The following FAM81A variants were observed in gnomAD, a reference collection of about 807,000 sequenced individuals.
FAM81A encodes the protein family with sequence similarity 81 member A.
FAM81A carries 19 observed loss-of-function variants against 46.7 expected under a neutral mutation model. The ratio of observed to expected loss-of-function variants is 0.41; its 90% CI spans 0.28 to 0.60. The LOEUF is 0.60. Ranked by LOEUF, FAM81A falls within the 20% of genes least tolerant of loss-of-function variation. The pLI is 0.34. For missense variants in FAM81A, 377 were observed against 453.5 expected (o/e 0.83, Z 1.53); for synonymous variants, 183 against 152.9 (o/e 1.20, Z -1.45).
At chr15:59,518,790 A>G (rs1044314536) in intron 8 of FAM81A, among the ~76,000 whole-genome samples, 2 of 151,634 alleles carry the variant, frequency 1.3e-5, no homozygotes, top group African/African-American at 4.8e-5. Flanking sequence ...TTTTTTTCTA[A>G]TTACATGTTT....
At chr15:59,468,146 C>G (rs2081638622) in intron 3 of FAM81A, among the ~76,000 whole-genome samples, 1 of 152,148 alleles carries the variant, frequency 6.6e-6, no homozygotes, top group Non-Finnish European at 1.5e-5. Context: ...TTGAGTTCAT[C>G]AGGGATATTG....
At chr15:59,399,362 G>A (rs1363340127) in intron 1 of FAM81A, among the ~76,000 whole-genome samples, 2 of 152,072 alleles carry the variant, frequency 1.3e-5, no homozygotes, top group Admixed American at 1.3e-4. Flanking sequence ...GGACAATGTA[G>A]ACTTTATACC....
chr15:59,431,125 A>T (rs1194382657), intron 2 of FAM81A, among the ~76,000 whole-genome samples: 1 of 152,188 alleles, frequency 6.6e-6, no homozygotes, highest in Non-Finnish European at 1.5e-5. Context: ...TGAGGGCACT[A>T]CTTAACCCAG....
Position 59,489,290 on chromosome 15 carries a change from C to CATACATACATACATAT in FAM81A, c.295-2966_295-2965insTATACATACATACATA, listed in dbSNP as rs1555432329. 2.2e-3 allele frequency among the ~76,000 whole-genome samples: 330 copies of CATACATACATACATAT among 150,268 alleles called. 1 individual carries two copies. The highest frequency in any genetic ancestry group is 8.0e-3 in the African/African-American group (327 of 40,744). ...AAATACATACATACATACATACATA[C>CATACATACATACATAT]ATACATACATACATACATACATATA... On this transcript the variant is annotated intron_variant, in intron 3 of 8. Coordinates refer to ENST00000288228, the MANE Select transcript of FAM81A (RefSeq NM_152450.3).
Position 59,419,785 on chromosome 15 carries a change from A to G in FAM81A, c.-78+17427A>G, listed in dbSNP as rs568743110. 2.0e-5 allele frequency among the ~76,000 whole-genome samples: 3 copies of G among 152,136 alleles called. No homozygotes were observed. The South Asian group carries it at 6.2e-4, about 32-fold the overall frequency. ...ACTACTTGGGAGGCTGAGGCAGGAGAATTGCTTGAGAATCACTCCTGGAGC... is the reference window on the plus strand; with the variant it reads ...ACTACTTGGGAGGCTGAGGCAGGAGGATTGCTTGAGAATCACTCCTGGAGC... On this transcript the variant is annotated intron_variant, in intron 2 of 4. Coordinates refer to the FAM81A transcript ENST00000558348.
intron 1 of FAM81A, among the ~76,000 whole-genome samples, chr15:59,440,769 T>C (rs1300301313): frequency 6.6e-6 from 1 of 152,218 alleles, no homozygotes. Flanking sequence ...TCTGTGACTC[T>C]GTTTCTCCAC....
intron 3 of FAM81A, among the ~76,000 whole-genome samples, chr15:59,486,463 G>C (rs2081918153): frequency 6.6e-6 from 1 of 151,932 alleles, no homozygotes; most frequent in South Asian, 2.1e-4. Context: ...AGAAATAGTG[G>C]TAGAAAGTTT....
At chr15:59,485,194 C>T (rs1277531302) in intron 3 of FAM81A, among the ~76,000 whole-genome samples, 2 of 152,158 alleles carry the variant, frequency 1.3e-5, no homozygotes, top group African/African-American at 4.8e-5. Context: ...GAACTCATTG[C>T]CCTTAGGGGA....
chr15:59,436,975 G>A (rs2081247481), upstream of FAM81A, among the ~76,000 whole-genome samples: 1 of 152,216 alleles, frequency 6.6e-6, no homozygotes, highest in Non-Finnish European at 1.5e-5. Flanking sequence ...TCAGGGCTAA[G>A]CATAGTTTCT....
Position 59,457,337 on chromosome 15 carries a change from T to C in FAM81A, c.-77-1213T>C, listed in dbSNP as rs2081497374. Among the ~76,000 whole-genome samples the C allele has an allele frequency of 3.3e-5, 5 of 152,368 alleles. No individual in the cohort carries two copies. The South Asian group carries it at 1.0e-3, about 32-fold the overall frequency. On this transcript the variant is annotated intron_variant, in intron 1 of 8. Coordinates refer to ENST00000288228, the MANE Select transcript of FAM81A (RefSeq NM_152450.3). ...ATACCTGGCCCTGTGAGTCACTTAA[T>C]AGCCATCTCTGTTATCAGATTGACT... is the stretch of plus-strand genomic sequence containing the variant.
At chr15:59,401,874 C>T in intron 1 of FAM81A, 1 of 762,036 alleles carries the variant, frequency 1.3e-6, no homozygotes, top group Admixed American at 1.8e-5. Flanking sequence ...AGCCTTGAGA[C>T]CAATCATTTT....
rs56336092 is a variant in FAM81A at position 59,499,958 on chromosome 15, G to A, written c.414-7255G>A. On this transcript the variant is annotated intron_variant, in intron 4 of 8. Transcript: ENST00000288228. Reference sequence around the variant, plus strand: ...ACCTCTGCCTCCCAGGTTCAAGCGAGTCTCATGCCTCAGCCCCCTGTGTAG... The same window carrying A: ...ACCTCTGCCTCCCAGGTTCAAGCGAATCTCATGCCTCAGCCCCCTGTGTAG... Among the ~76,000 whole-genome samples, 657 of 151,614 alleles carry A rather than the reference G, an allele frequency of 4.3e-3. 5 individuals carry two copies. The highest frequency in any genetic ancestry group is 0.016 in the African/African-American group (640 of 41,290).
chr15:59,451,481 C>T, intron 1 of FAM81A, among the ~76,000 whole-genome samples: 1 of 149,234 alleles, frequency 6.7e-6, no homozygotes, highest in Non-Finnish European at 1.5e-5. Context: ...AGATGAGTCT[C>T]ACTCTATCCA....
upstream of FAM81A, among the ~76,000 whole-genome samples, chr15:59,437,810 G>A (rs1474865035): frequency 6.6e-6 from 1 of 152,114 alleles, no homozygotes; most frequent in African/African-American, 2.4e-5. Context: ...ATCTCCGTCA[G>A]GCACCATTTC....
Position 59,516,717 on chromosome 15 carries a change from C to A in FAM81A, c.859C>A (p.Gln287Lys). 1.2e-6 allele frequency: 2 copies of A among 1,613,474 alleles called. No homozygotes were observed. The highest frequency in any genetic ancestry group is 2.2e-5 in the South Asian group (2 of 90,976). Residue 287 changes from glutamine (Q) to lysine (K), a missense_variant, in exon 8 of 9, where the codon CAA becomes AAA. Transcript: ENST00000288228. ...SARLDKIEEG[Q>K]KKTFDGQRTR... ...CAGGCTTGACAAAATAGAAGAGGGT[C>A]AAAAGAAGACTTTTGATGGTCAGAG...
At chr15:59,479,848 A>G (rs1255318176) in intron 3 of FAM81A, among the ~76,000 whole-genome samples, 1 of 152,222 alleles carries the variant, frequency 6.6e-6, no homozygotes, top group African/African-American at 2.4e-5. Flanking sequence ...AATTTAAATA[A>G]TCCACTCACA....
intron 2 of FAM81A, among the ~76,000 whole-genome samples, chr15:59,416,537 T>C (rs2081147475): frequency 6.6e-6 from 1 of 152,160 alleles, no homozygotes; most frequent in South Asian, 2.1e-4. Context: ...TGGCAGAAAC[T>C]GTGAACCACA....
rs375340000 is a variant in FAM81A at position 59,413,139 on chromosome 15, G to A, written c.-78+10781G>A. Among the ~76,000 whole-genome samples the A allele has an allele frequency of 1.1e-4, 17 of 152,228 alleles. No individual in the cohort carries two copies. The East Asian group carries it at 2.5e-3, about 22-fold the overall frequency. ...TCAGTCACGTGGCAAAGGGGGAGAA[G>A]GGGTGGCTGTGGAAATTCTCCTTTC... is the stretch of plus-strand genomic sequence containing the variant. On this transcript the variant is annotated intron_variant, in intron 2 of 4. Transcript: ENST00000558348.
At chr15:59,442,157 C>T (rs1286830620) in intron 1 of FAM81A, among the ~76,000 whole-genome samples, 1 of 151,914 alleles carries the variant, frequency 6.6e-6, no homozygotes, top group African/African-American at 2.4e-5. Context: ...CCCCCAGGTA[C>T]TTCAAATCTA....
Sources: allele counts gnomAD v4.1 joint callset (sites outside exome capture counted in the v4.1 genomes callset), GRCh38; gene constraint gnomAD v4.1.1; transcripts MANE v1.5; gene names NCBI Gene and HGNC (gene_info 2026-07-23, HGNC 2026-07-21).